The following ARMC3 variants were observed in gnomAD, a reference collection of about 807,000 sequenced individuals.
ARMC3 encodes the protein armadillo repeat-containing protein 3.
ARMC3 carries 74 observed loss-of-function variants against 90.3 expected under a neutral mutation model. The ratio of observed to expected loss-of-function variants is 0.82; its 90% CI spans 0.68 to 0.99. The LOEUF (loss-of-function observed/expected upper bound fraction) is 0.99. Ranked by LOEUF, ARMC3 falls within the 50% of genes least tolerant of loss-of-function variation. The pLI is 0.00. For synonymous variants in ARMC3, 334 were observed against 361.8 expected (o/e 0.92, Z 0.87); for missense variants, 958 against 1,042.8 (o/e 0.92, Z 1.12).
At chr10:22,999,399 C>G (rs77796858) in intron 11 of ARMC3, among the ~76,000 whole-genome samples, 1 of 152,156 alleles carries the variant, frequency 6.6e-6, no homozygotes, top group Non-Finnish European at 1.5e-5. Context: ...AAGACTCTGC[C>G]TCCTAAAAGA....
intron 8 of ARMC3, among the ~76,000 whole-genome samples, chr10:22,970,667 TG>T (rs1835643751): frequency 6.6e-6 from 1 of 152,194 alleles, no homozygotes; most frequent in East Asian, 1.9e-4. Context: ...TGTTCAGGAC[TG>T]GCTCAAGGCA....
intron 2 of ARMC3, among the ~76,000 whole-genome samples, chr10:22,941,949 A>C (rs1834343123): frequency 6.6e-6 from 1 of 152,200 alleles, no homozygotes; most frequent in African/African-American, 2.4e-5. Flanking sequence ...TTCTAGTTTA[A>C]CATTCTTTGA....
chr10:22,974,382 G>T (rs189740827), intron 8 of ARMC3, among the ~76,000 whole-genome samples: 1 of 152,032 alleles, frequency 6.6e-6, no homozygotes, highest in Non-Finnish European at 1.5e-5. Flanking sequence ...AATATTGTTA[G>T]ATTTATTTTT....
chr10:23,032,890 T>G lies in ARMC3; in HGVS notation c.2276T>G (p.Ile759Ser), dbSNP rs1838971324. 6.2e-7 allele frequency: 1 copy of G among 1,612,450 alleles called. No individual in the cohort carries two copies. The highest frequency in any genetic ancestry group is 1.3e-5 in the African/African-American group (1 of 74,860). The stretch of plus-strand genomic sequence containing the variant: ...GTAGCAGAAAAAATGGGTGGTAAGA[T>G]TCCAAAAGAGAAACTACCTGATTTC... ...KYVAEKMGGK[I>S]PKEKLPDFSW... The change falls in exon 18 of 19, where the codon ATT (isoleucine) becomes AGT (serine). Residue 759 changes from isoleucine (I) to serine (S), a missense_variant. Coordinates refer to ENST00000298032, the MANE Select transcript of ARMC3 (RefSeq NM_173081.5).
chr10:22,971,441 GTTTTT>G (rs766355258), intron 8 of ARMC3, among the ~76,000 whole-genome samples: 1 of 128,544 alleles, frequency 7.8e-6, no homozygotes. Context: ...TATATTTTTA[GTTTTT>G]TTTTTTTTTT....
intron 2 of ARMC3, among the ~76,000 whole-genome samples, chr10:22,945,492 A>G (rs1333750144): frequency 6.6e-6 from 1 of 152,156 alleles, no homozygotes; most frequent in Admixed American, 6.6e-5. Context: ...AGAGTCCTAT[A>G]CTTTTCTTTA....
intron 10 of ARMC3, among the ~76,000 whole-genome samples, chr10:22,987,092 T>G (rs567633668): frequency 6.6e-6 from 1 of 152,362 alleles, no homozygotes; most frequent in Non-Finnish European, 1.5e-5. Context: ...ACATATCTTT[T>G]CTTGGTATAC....
At chr10:22,996,304 G>C (rs931651175) in intron 10 of ARMC3, among the ~76,000 whole-genome samples, 2 of 152,058 alleles carry the variant, frequency 1.3e-5, no homozygotes, top group African/African-American at 4.8e-5. Context: ...TAGGAGAGAA[G>C]ATGAAAAGTG....
In ARMC3 at chr10:23,037,400, A is replaced by C; in HGVS notation, c.2540A>C (p.Tyr847Ser). 2 of 1,614,082 alleles carry C rather than the reference A, an allele frequency of 1.2e-6. No individual in the cohort carries two copies. Among genetic ancestry groups the C allele is most frequent in the Non-Finnish European group, 1.7e-6 (2 of 1,179,958 alleles). Residue 847 changes from tyrosine (Y) to serine (S), a missense_variant, in exon 19 of 19, where the codon TAC becomes TCC. Physicochemically the swap from Tyr to Ser is moderately radical, Grantham distance 144. Transcript: ENST00000298032. ...GGGGGCCTCCCCGCTCCTGAGATGT[A>C]CGTGATTGACCTCATGTTCCATCCA... ...VIGGLPAPEM[Y>S]VIDLMFHPGG...
At chr10:22,946,506 A>G in intron 3 of ARMC3, 1 of 283,794 alleles carries the variant, frequency 3.5e-6, no homozygotes. Flanking sequence ...GTAGTTTTAG[A>G]AATTGTAAAT....
chr10:22,963,928 A>C (rs1485329199), intron 7 of ARMC3, among the ~76,000 whole-genome samples: 101 of 96,910 alleles, frequency 1.0e-3, no homozygotes, highest in African/African-American at 2.3e-3. Context: ...CACACAAAAA[A>C]AAAAAAAAAA....
At chr10:22,990,174 C>T (rs979379678) in intron 10 of ARMC3, among the ~76,000 whole-genome samples, 2 of 150,258 alleles carry the variant, frequency 1.3e-5, no homozygotes, top group South Asian at 2.1e-4. Context: ...TTCCCCCCCC[C>T]ACTTCCAATT....
chr10:23,018,271 G>T (rs1838362245), intron 16 of ARMC3, among the ~76,000 whole-genome samples: 1 of 152,170 alleles, frequency 6.6e-6, no homozygotes, highest in East Asian at 1.9e-4. Context: ...GCAGGTCTGT[G>T]GTCACAGCTG....
chr10:22,959,727 G>T, intron 6 of ARMC3, 153 bp downstream of exon 6: 1 of 722,702 alleles, frequency 1.4e-6, no homozygotes, highest in Non-Finnish European at 2.3e-6. Context: ...AAAAATAATG[G>T]AAGCTTAATG....
At chr10:22,991,980 T>G (rs1050644876) in intron 10 of ARMC3, among the ~76,000 whole-genome samples, 1 of 152,324 alleles carries the variant, frequency 6.6e-6, no homozygotes, top group Admixed American at 6.5e-5. Context: ...ATTATGAATA[T>G]CCTAACTCCT....
chr10:23,026,865 A>G (rs147555770), intron 16 of ARMC3, among the ~76,000 whole-genome samples: 125 of 152,298 alleles, frequency 8.2e-4, no homozygotes, highest in African/African-American at 3.0e-3. Context: ...ACCATTTGTT[A>G]AAAAGACCAT....
chr10:22,938,413 A>C (rs1029213655), intron 2 of ARMC3, among the ~76,000 whole-genome samples: 1 of 152,244 alleles, frequency 6.6e-6, no homozygotes, highest in Admixed American at 6.5e-5. Flanking sequence ...GGTGACAAAG[A>C]GAGTAGTAGT....
chr10:22,945,858 C>A (rs1834505092), intron 2 of ARMC3, among the ~76,000 whole-genome samples: 2 of 152,180 alleles, frequency 1.3e-5, no homozygotes, highest in South Asian at 4.1e-4. Context: ...AATTGACATT[C>A]TAGTAGCATA....
At chr10:23,029,766 A>C (rs548945255) in intron 16 of ARMC3, among the ~76,000 whole-genome samples, 22 of 152,188 alleles carry the variant, frequency 1.4e-4, no homozygotes, top group Non-Finnish European at 2.4e-4. Context: ...TTTCATCTTT[A>C]TTAAGTACTA....
Sources: gnomAD v4.1 joint callset for allele counts (sites outside exome capture counted in the v4.1 genomes callset) on GRCh38, gnomAD v4.1.1 for gene constraint, MANE v1.5 for transcripts, NCBI Gene and HGNC (gene_info 2026-07-23, HGNC 2026-07-21) for gene names.